The following ABR variants were observed in gnomAD, a reference collection of about 807,000 sequenced individuals.
ABR encodes ABR activator of RhoGEF and GTPase.
Under a neutral mutation model 107.2 loss-of-function variants are expected in ABR, and 35 were observed. The observed-to-expected ratio is 0.33, with a 90% confidence interval of 0.25 to 0.43. ABR has a LOEUF of 0.43. ABR is among the 20% of genes least tolerant of loss of function. ABR has a pLI of 1.00. For synonymous variants in ABR, 498 were observed against 462.0 expected (o/e 1.08, Z -1.00); for missense variants, 815 against 1,115.2 (o/e 0.73, Z 3.83).
upstream of ABR, among the ~76,000 whole-genome samples, chr17:1,188,333 T>G (rs900918127): frequency 1.8e-4 from 28 of 152,174 alleles, no homozygotes; most frequent in African/African-American, 6.0e-4. Context: ...GGCAGATCAC[T>G]AGGTCAGGAA....
At chr17:1,151,752 C>T (rs972893975) in intron 1 of ABR, among the ~76,000 whole-genome samples, 2 of 152,212 alleles carry the variant, frequency 1.3e-5, no homozygotes, top group Admixed American at 1.3e-4. Flanking sequence ...TCCGGCTCTT[C>T]TGCAAAACAG....
chr17:1,011,356 GT>G lies in ABR; in HGVS notation c.2101+489del. ...ATTCATCCCTGCCTGGCCAGTGCAG[GT>G]TTCTTGACAGTGGGGTATGTGGCTG... On this transcript the variant is annotated intron_variant, in intron 19 of 22. Coordinates refer to ENST00000302538, the MANE Select transcript of ABR (RefSeq NM_021962.5). This position sits in a 1 kb window ranked among gnomAD's most constrained non-coding sequence, Gnocchi z 4.8. 5.7e-6 allele frequency: 1 copy of G among 175,398 alleles called. No homozygotes were observed. Among genetic ancestry groups the G allele is most frequent in the Non-Finnish European group, 1.2e-5 (1 of 81,846 alleles). 10.9% of individuals were successfully genotyped at this position (175,398 alleles called of 1,614,324 possible). A position where few individuals can be genotyped will look rare whatever the true frequency, so the allele number is the denominator to read the frequency against.
chr17:1,017,680 C>T (rs1464582856), intron 16 of ABR, among the ~76,000 whole-genome samples: 1 of 151,826 alleles, frequency 6.6e-6, no homozygotes, highest in Non-Finnish European at 1.5e-5. Flanking sequence ...GTTGGCCAGG[C>T]TGGTCTCGAA....
intron 1 of ABR, among the ~76,000 whole-genome samples, chr17:1,195,116 G>T (rs1046753615): frequency 8.4e-5 from 12 of 142,594 alleles, no homozygotes; most frequent in Non-Finnish European, 1.7e-4. Flanking sequence ...GACCATCCTG[G>T]CTAACACGGT....
Position 1,179,294 on chromosome 17 carries a change from G to T in ABR, c.61+373C>A, listed in dbSNP as rs1272351589. Among the ~76,000 whole-genome samples, 1 of 152,102 alleles carries T rather than the reference G, an allele frequency of 6.6e-6. No homozygotes were observed. The highest frequency in any genetic ancestry group is 1.9e-4 in the East Asian group (1 of 5,178). On this transcript the variant is annotated intron_variant, in intron 1 of 22. Transcript: ENST00000302538. This position sits in a 1 kb window ranked among gnomAD's most constrained non-coding sequence, Gnocchi z 4.9. ...ACAGAGAAGCTGCCGGTCCAGGGGC[G>T]GGGGCAGCACCCAGAAGGGCCTCCC...
In ABR at chr17:1,050,238, C is replaced by T; in HGVS notation, c.1660-57G>A. ...CTCCGAAGCTGGGAGGCCTGGCTTT[C>T]CGGCAGGTGCGTGCCTCAGCTTTGC... On this transcript the variant is annotated intron_variant, in intron 15 of 22. Transcript: ENST00000302538. The surrounding 1 kb of genome is among the most constrained non-coding windows in gnomAD (Gnocchi z 4.6). 6.4e-7 allele frequency: 1 copy of T among 1,573,050 alleles called. No individual in the cohort carries two copies. Among genetic ancestry groups the T allele is most frequent in the Non-Finnish European group, 8.6e-7 (1 of 1,163,914 alleles).
chr17:1,096,933 G>C (rs1183248180), intron 3 of ABR, among the ~76,000 whole-genome samples: 1 of 146,550 alleles, frequency 6.8e-6, no homozygotes, highest in African/African-American at 2.5e-5. Context: ...AGCTGGGGAA[G>C]GGGGGAACCT....
chr17:1,031,251 G>A (rs1380395365), intron 16 of ABR, among the ~76,000 whole-genome samples: 1 of 152,208 alleles, frequency 6.6e-6, no homozygotes, highest in East Asian at 1.9e-4. Flanking sequence ...CAGGGATCAG[G>A]TAGAGGCTGA....
intron 16 of ABR, among the ~76,000 whole-genome samples, chr17:1,021,749 A>G (rs1471634900): frequency 2.0e-5 from 3 of 151,526 alleles, no homozygotes; most frequent in Non-Finnish European, 4.4e-5. Flanking sequence ...GGTTGCAGTG[A>G]GCCGGAGTTG....
chr17:1,054,758 CACAAAGAAGGG>C (rs1408438340), intron 14 of ABR, among the ~76,000 whole-genome samples: 4 of 151,534 alleles, frequency 2.6e-5, no homozygotes, highest in Non-Finnish European at 4.4e-5. Flanking sequence ...GGGATGTGGG[CACAAAGAAGGG>C]ACAAAGAAGG....
Position 1,005,131 on chromosome 17 carries a change from C to A in ABR, c.*949G>T, listed in dbSNP as rs1004384008. 4.3e-5 allele frequency: 17 copies of A among 398,686 alleles called. No homozygotes were observed. The highest frequency in any genetic ancestry group is 7.5e-5 in the Non-Finnish European group (17 of 226,236). The allele number at this position is 398,686 out of a possible 1,614,324, so 24.7% of individuals were successfully genotyped here. On this transcript the variant is annotated 3_prime_UTR_variant, in exon 23 of 23. Transcript: ENST00000302538. ...CTCCCCCGTTCAGCCTGTGGTGTTT[C>A]CTCAGCAGCCTGACCGCCTCCTCCC...
rs149944140 is a variant in ABR, at chr17:1,211,287, GAATA to G, written c.838+17502_838+17505del. Among the ~76,000 whole-genome samples the G allele has an allele frequency of 7.4e-4, 112 of 151,734 alleles. 1 individual carries two copies. The Middle Eastern group carries it at 0.017, about 23-fold the overall frequency. Reference sequence around the variant, plus strand: ...GAGTGAGGCTCCGTCTCAAAAAAATGAATAAATAAATAAATAAATAAATAAATAA... The same window carrying G: ...GAGTGAGGCTCCGTCTCAAAAAAATGAATAAATAAATAAATAAATAAATAA... On this transcript the variant is annotated intron_variant, in intron 1 of 22. Coordinates refer to the ABR transcript ENST00000574139.
chr17:1,159,017 C>T (rs563588727), intron 1 of ABR, among the ~76,000 whole-genome samples: 3 of 152,352 alleles, frequency 2.0e-5, no homozygotes, highest in South Asian at 2.1e-4. Context: ...TTCATGCTTT[C>T]GTGCCTTGGA....
chr17:1,100,850 G>T, intron 2 of ABR, 115 bp from the exon 3 acceptor site: 1 of 966,596 alleles, frequency 1.0e-6, no homozygotes, highest in Non-Finnish European at 1.6e-6. Context: ...TTGAGACGAA[G>T]TCTCGCTCTG....
At chr17:1,164,719 T>C (rs916728820) in intron 1 of ABR, among the ~76,000 whole-genome samples, 1 of 152,148 alleles carries the variant, frequency 6.6e-6, no homozygotes, top group Non-Finnish European at 1.5e-5. Flanking sequence ...CAGGCTGGAG[T>C]GCAGAGGCAT....
chr17:1,180,375 C>A (rs1331388437), upstream of ABR, among the ~76,000 whole-genome samples: 1 of 152,284 alleles, frequency 6.6e-6, no homozygotes, highest in East Asian at 1.9e-4. Flanking sequence ...CAGCCAGACC[C>A]GCTGCGGGAC....
intron 16 of ABR, among the ~76,000 whole-genome samples, chr17:1,041,593 C>G (rs1216993305): frequency 1.3e-5 from 2 of 152,108 alleles, no homozygotes; most frequent in African/African-American, 2.4e-5. Context: ...ATTAGCTGGG[C>G]ATGGTGGCGG....
chr17:1,223,142 C>A (rs1470753765), intron 1 of ABR, among the ~76,000 whole-genome samples: 2 of 151,908 alleles, frequency 1.3e-5, no homozygotes, highest in Non-Finnish European at 2.9e-5. Flanking sequence ...GCGGAGGTTG[C>A]AGTGAGCCGA....
intron 18 of ABR, 29 bp downstream of exon 18, chr17:1,012,658 CA>C (rs1319249065): frequency 6.5e-7 from 1 of 1,534,614 alleles, no homozygotes; most frequent in Non-Finnish European, 8.8e-7. Context: ...GCACCGACGC[CA>C]GGACTGGGAG....
Sources: allele counts gnomAD v4.1 joint callset (sites outside exome capture counted in the v4.1 genomes callset), GRCh38; gene constraint gnomAD v4.1.1; non-coding constraint Gnocchi (gnomAD v3.1); transcripts MANE v1.5; gene names NCBI Gene and HGNC (gene_info 2026-07-23, HGNC 2026-07-21).